The following MYT1L variants were observed in gnomAD, a reference collection of about 807,000 sequenced individuals.
The protein encoded by MYT1L is myelin transcription factor 1-like protein.
Under a neutral mutation model 126.7 loss-of-function variants are expected in MYT1L, and 12 were observed. The ratio of observed to expected loss-of-function variants is 0.09; its 90% confidence interval spans 0.06 to 0.15. The LOEUF (loss-of-function observed/expected upper bound fraction) is 0.15. Among genes scored for constraint, MYT1L ranks in the 10% least tolerant of loss-of-function variants. MYT1L has a pLI of 1.00. For synonymous variants in MYT1L, 541 were observed against 604.2 expected, an observed-to-expected ratio of 0.90 and a Z score of 1.53; for missense variants, 979 against 1,585.2, an observed-to-expected ratio of 0.62 and a Z score of 6.49.
intron 14 of MYT1L, among the ~76,000 whole-genome samples, chr2:1,902,532 G>A (rs1384168869): frequency 2.0e-5 from 3 of 152,188 alleles, no homozygotes; most frequent in Non-Finnish European, 2.9e-5. Context: ...CCGTAGTGTC[G>A]TGCAGGGAGC....
At chr2:2,003,105 G>T (rs2062570426) in intron 4 of MYT1L, among the ~76,000 whole-genome samples, 1 of 152,202 alleles carries the variant, frequency 6.6e-6, no homozygotes, top group Non-Finnish European at 1.5e-5. Context: ...CCCACGGTAA[G>T]CTTACAACTG....
intron 3 of MYT1L, among the ~76,000 whole-genome samples, chr2:2,156,554 T>G (rs1003426501): frequency 6.6e-6 from 1 of 152,270 alleles, no homozygotes; most frequent in African/African-American, 2.4e-5. Context: ...TTTAAAAATT[T>G]AATGTAGATT....
intron 1 of MYT1L, chr2:2,303,748 C>T (rs1251250489): frequency 3.3e-5 from 5 of 152,260 alleles, no homozygotes; most frequent in South Asian, 4.1e-4. Context: ...AGGGAAGCAG[C>T]TTGTCTGAAA....
Position 1,967,603 on chromosome 2 carries a change from C to T in MYT1L, c.152+11562G>A, listed in dbSNP as rs570215132. ...CAGGGAAAGTTCAGTTCATTAGTCA[C>T]TCAAAGCAGGTGCACCTTATTCTAA... On this transcript the variant is annotated intron_variant, in intron 8 of 24. Coordinates refer to ENST00000647738, the MANE Select transcript of MYT1L (RefSeq NM_001303052.2). Among the ~76,000 whole-genome samples, 8 of 152,344 alleles carry T rather than the reference C, an allele frequency of 5.3e-5. No individual in the cohort carries two copies. In the East Asian group the frequency reaches 1.5e-3, roughly 29 times the overall value.
intron 14 of MYT1L, among the ~76,000 whole-genome samples, chr2:1,893,682 C>A (rs1419007283): frequency 6.6e-6 from 1 of 152,172 alleles, no homozygotes; most frequent in East Asian, 1.9e-4. Flanking sequence ...GCCAGGCTTC[C>A]CCAGGGACTC....
At chr2:2,016,388 T>G (rs1437668408) in intron 4 of MYT1L, among the ~76,000 whole-genome samples, 5 of 152,216 alleles carry the variant, frequency 3.3e-5, no homozygotes, top group Admixed American at 6.5e-5. Flanking sequence ...TTCCTCCTCC[T>G]GCCTATTAAG....
chr2:2,050,726 G>C (rs897493677), intron 4 of MYT1L, among the ~76,000 whole-genome samples: 1 of 152,192 alleles, frequency 6.6e-6, no homozygotes, highest in African/African-American at 2.4e-5. Context: ...CACTGCAGGG[G>C]AGGGAAGAGC....
rs1167727511 is a variant in MYT1L, at chr2:2,059,768, A to G, written c.-303-5645T>C. Reference sequence around the variant, plus strand: ...TCAGTACAGAGAAAAATTGTTCTATAGATAAATAATTATAAACGGATGACT... The same window carrying G: ...TCAGTACAGAGAAAAATTGTTCTATGGATAAATAATTATAAACGGATGACT... On this transcript the variant is annotated intron_variant, in intron 3 of 24. Transcript: ENST00000647738. This position sits in a 1 kb window ranked among gnomAD's most constrained non-coding sequence, Gnocchi z 4.7. 6.6e-6 allele frequency among the ~76,000 whole-genome samples: 1 copy of G among 152,242 alleles called. No homozygotes were observed. Among genetic ancestry groups the G allele is most frequent in the Non-Finnish European group, 1.5e-5 (1 of 68,032 alleles).
chr2:2,167,261 T>G (rs1572069874), intron 3 of MYT1L, among the ~76,000 whole-genome samples: 1 of 152,244 alleles, frequency 6.6e-6, no homozygotes, highest in South Asian at 2.1e-4. Context: ...TTTGTATATG[T>G]TTTCAAAGCT....
At chr2:1,893,033 G>A (rs1004100389) in intron 14 of MYT1L, among the ~76,000 whole-genome samples, 2 of 152,176 alleles carry the variant, frequency 1.3e-5, no homozygotes, top group Non-Finnish European at 2.9e-5. Context: ...CGCGGGGCAC[G>A]TGTGCAGCTG....
intron 18 of MYT1L, among the ~76,000 whole-genome samples, chr2:1,870,550 G>T (rs2046152803): frequency 6.6e-6 from 1 of 152,176 alleles, no homozygotes; most frequent in South Asian, 2.1e-4. Flanking sequence ...TTCAGTTGGT[G>T]ATTTTGGGCC....
At chr2:2,109,875 T>TTATTTATATA (rs2079179764) in intron 3 of MYT1L, among the ~76,000 whole-genome samples, 1 of 63,874 alleles carries the variant, frequency 1.6e-5, no homozygotes, top group Non-Finnish European at 2.9e-5. Context: ...AGTGCTGATT[T>TTATTTATATA]TATATATATA....
At position 2,075,531 on chromosome 2, in the gene MYT1L, A is replaced by G. The variant is rs1032830700; in HGVS notation, c.-303-21408T>C. ...AGGTGGAAGACTGAGGTCTATCACA[A>G]TTTGACAGATATGTAAGGCCACATG... On this transcript the variant is annotated intron_variant, in intron 3 of 24. Transcript: ENST00000647738. Among the ~76,000 whole-genome samples, 6 of 152,228 alleles carry G rather than the reference A, an allele frequency of 3.9e-5. No homozygotes were observed. In the South Asian group the frequency reaches 6.2e-4, roughly 16 times the overall value.
At chr2:2,019,549 C>T (rs2064815290) in intron 4 of MYT1L, among the ~76,000 whole-genome samples, 3 of 152,202 alleles carry the variant, frequency 2.0e-5, no homozygotes, top group Admixed American at 2.0e-4. Flanking sequence ...TCAAGTGATA[C>T]ATAAATATAT....
intron 18 of MYT1L, among the ~76,000 whole-genome samples, chr2:1,874,164 C>G (rs1465726035): frequency 3.3e-5 from 5 of 150,606 alleles, no homozygotes; most frequent in African/African-American, 1.2e-4. Context: ...CCACAAACAA[C>G]CCAGGTGTGG....
chr2:1,809,227 A>ACATT, intron 21 of MYT1L, 60 bp from the exon 22 acceptor site: 2 of 1,492,586 alleles, frequency 1.3e-6, no homozygotes, highest in Non-Finnish European at 1.9e-6. Context: ...CCCTGCAGGG[A>ACATT]AGTGGTGGTA....
chr2:2,031,979 T>C (rs1001043992), intron 4 of MYT1L, among the ~76,000 whole-genome samples: 4 of 138,436 alleles, frequency 2.9e-5, no homozygotes, highest in Non-Finnish European at 6.1e-5. Context: ...CCCTCGCCAA[T>C]GTCTCTCATC....
At chr2:2,253,959 A>C (rs2094733910) in intron 2 of MYT1L, among the ~76,000 whole-genome samples, 1 of 152,184 alleles carries the variant, frequency 6.6e-6, no homozygotes, top group Admixed American at 6.5e-5. Flanking sequence ...AGTTTGGGAA[A>C]AATGCTCCAA....
chr2:2,008,955 T>C (rs1045368186), intron 4 of MYT1L, among the ~76,000 whole-genome samples: 1 of 152,216 alleles, frequency 6.6e-6, no homozygotes, highest in African/African-American at 2.4e-5. Flanking sequence ...TTCCCCATTG[T>C]GTCCTCTTGG....
Sources: gnomAD v4.1 joint callset for allele counts (sites outside exome capture counted in the v4.1 genomes callset) on GRCh38, gnomAD v4.1.1 for gene constraint, Gnocchi (gnomAD v3.1) non-coding constraint, MANE v1.5 for transcripts, NCBI Gene and HGNC (gene_info 2026-07-23, HGNC 2026-07-21) for gene names.